Variants in HSD17B12 observed in about 807,000 individuals in gnomAD.
HSD17B12 encodes the protein very-long-chain 3-oxoacyl-CoA reductase.
In HSD17B12, 32 loss-of-function variants were observed where a neutral mutation model predicts 39.3. That is an observed-to-expected ratio of 0.81 (90% CI 0.61 to 1.09). The LOEUF is 1.09. HSD17B12 is among the 50% of genes least tolerant of loss of function. The pLI, the probability that HSD17B12 is intolerant of heterozygous loss-of-function variation, is 0.00. For missense variants in HSD17B12, 342 were observed against 382.9 expected (o/e 0.89, Z 0.89); for synonymous variants, 150 against 146.7 (o/e 1.02, Z -0.16).
chr11:43,742,202 A>G (rs976820649), intron 1 of HSD17B12, among the ~76,000 whole-genome samples: 2 of 149,364 alleles, frequency 1.3e-5, no homozygotes, highest in East Asian at 2.0e-4. Flanking sequence ...CAGTGCCGCA[A>G]TCATAACTCA....
At chr11:43,608,932 C>T in the HSD17B12 span, among the ~76,000 whole-genome samples, 1 of 152,018 alleles carries the variant, frequency 6.6e-6, no homozygotes, top group Non-Finnish European at 1.5e-5. Context: ...GCACAACCCC[C>T]CAACCTCTTT....
chr11:43,567,395 A>C, the HSD17B12 span, among the ~76,000 whole-genome samples: 1 of 152,198 alleles, frequency 6.6e-6, no homozygotes, highest in African/African-American at 2.4e-5. Context: ...AGATGTCTCT[A>C]AAGTTCAAAA....
rs12796335 is a variant in HSD17B12 at position 43,817,010 on chromosome 11, C to A, written c.501+619C>A. ...TCTATATCTATATCTATATCTATAT[C>A]TATATCTATATCTATATCTATATCT... On this transcript the variant is annotated intron_variant, in intron 6 of 10. Coordinates refer to ENST00000278353, the MANE Select transcript of HSD17B12 (RefSeq NM_016142.3). 1.4e-3 allele frequency among the ~76,000 whole-genome samples: 111 copies of A among 77,002 alleles called. 1 individual carries two copies. Among genetic ancestry groups the A allele is most frequent in the South Asian group, 4.0e-3 (10 of 2,470 alleles). The allele number at this position is 77,002 out of a possible 152,430, so 50.5% of individuals were successfully genotyped here. A position where few individuals can be genotyped will look rare whatever the true frequency, so the allele number is the denominator to read the frequency against.
At chr11:43,732,785 C>G (rs189771703) in intron 1 of HSD17B12, among the ~76,000 whole-genome samples, 30 of 152,140 alleles carry the variant, frequency 2.0e-4, no homozygotes, top group African/African-American at 7.0e-4. Context: ...TATTAATTAA[C>G]TAATTAATTA....
the HSD17B12 span, among the ~76,000 whole-genome samples, chr11:43,626,310 T>A: frequency 1.3e-5 from 2 of 151,838 alleles, no homozygotes; most frequent in Admixed American, 6.6e-5. Context: ...TTGCTTTGAA[T>A]GCCAACCATT....
chr11:43,764,422 A>G (rs1476924062), intron 3 of HSD17B12, among the ~76,000 whole-genome samples: 2 of 152,146 alleles, frequency 1.3e-5, no homozygotes, highest in African/African-American at 4.8e-5. Flanking sequence ...CTAAGTCTCT[A>G]TAAGCTATCC....
At chr11:43,841,793 T>C (rs11037667) in intron 9 of HSD17B12, among the ~76,000 whole-genome samples, 4,112 of 152,316 alleles carry the variant, frequency 0.027, 176 homozygotes, top group African/African-American at 0.079. Context: ...CTGGTGTTCA[T>C]TGTGGCTTTC....
At position 43,830,967 on chromosome 11, in the gene HSD17B12, C is replaced by T; in HGVS notation, c.502-9C>T. The T allele has an allele frequency of 1.2e-6, 2 of 1,608,044 alleles. No homozygotes were observed. The highest frequency in any genetic ancestry group is 1.7e-6 in the Non-Finnish European group (2 of 1,176,926). On this transcript the variant is annotated splice_polypyrimidine_tract_variant and intron_variant, in intron 6 of 10. Transcript: ENST00000278353. ...GGCCATCATGAATGTTTTGCTTTCT[C>T]TCTTGCAGATGACACAATTGGTACT...
intron 1 of HSD17B12, among the ~76,000 whole-genome samples, chr11:43,682,593 A>G (rs17597037): frequency 0.038 from 5,824 of 151,448 alleles, 157 homozygotes; most frequent in Non-Finnish European, 0.056. Context: ...CAACTTGGTT[A>G]TAATTAAGAT....
At position 43,842,097 on chromosome 11, in the gene HSD17B12, C is replaced by T. The variant is rs181238391; in HGVS notation, c.684+2033C>T. Among the ~76,000 whole-genome samples, 33 of 152,312 alleles carry T rather than the reference C, an allele frequency of 2.2e-4. No individual in the cohort carries two copies. The East Asian group carries it at 5.6e-3, about 26-fold the overall frequency. On this transcript the variant is annotated intron_variant, in intron 9 of 10. Coordinates refer to ENST00000278353, the MANE Select transcript of HSD17B12 (RefSeq NM_016142.3). ...GCCTTTGTTCTTAACCACTAGGCTACTTGCTCCAGGCCTGTAAGTCAACAT... is the reference window on the plus strand; with the variant it reads ...GCCTTTGTTCTTAACCACTAGGCTATTTGCTCCAGGCCTGTAAGTCAACAT...
At chr11:43,665,768 C>T in the HSD17B12 span, among the ~76,000 whole-genome samples, 6 of 152,206 alleles carry the variant, frequency 3.9e-5, no homozygotes, top group East Asian at 3.9e-4. Flanking sequence ...CGCACACACG[C>T]GCATGCACAC....
At chr11:43,658,181 A>T in the HSD17B12 span, among the ~76,000 whole-genome samples, 2 of 152,244 alleles carry the variant, frequency 1.3e-5, no homozygotes, top group East Asian at 3.9e-4. Flanking sequence ...CTTCCAGTTG[A>T]TCACATCAGT....
At chr11:43,798,530 T>C (rs1565093458) in intron 4 of HSD17B12, 103 bp downstream of exon 4, 6 of 681,444 alleles carry the variant, frequency 8.8e-6, no homozygotes, top group Non-Finnish European at 5.1e-6. Context: ...AATTGTCTTA[T>C]GATTACGTAA....
chr11:43,605,844 G>A, the HSD17B12 span, among the ~76,000 whole-genome samples: 1 of 152,174 alleles, frequency 6.6e-6, no homozygotes, highest in African/African-American at 2.4e-5. Flanking sequence ...TGCATTCTGA[G>A]ATAAAAAGCG....
chr11:43,771,399 G>A (rs1387886111), intron 3 of HSD17B12, among the ~76,000 whole-genome samples: 1 of 150,638 alleles, frequency 6.6e-6, no homozygotes, highest in South Asian at 2.1e-4. Flanking sequence ...GTCTTTTGGA[G>A]CACATATATA....
the HSD17B12 span, among the ~76,000 whole-genome samples, chr11:43,613,974 A>G: frequency 1.3e-5 from 2 of 152,168 alleles, no homozygotes; most frequent in Admixed American, 6.6e-5. Flanking sequence ...GCTGCCTTCA[A>G]TGAATTTATG....
In HSD17B12 at chr11:43,838,333, C is replaced by A. The variant is rs1951390980; in HGVS notation, c.553C>A (p.Leu185Met). The A allele has an allele frequency of 6.2e-7, 1 of 1,612,758 alleles. No homozygotes were observed. Among genetic ancestry groups the A allele is most frequent in the African/African-American group, 1.3e-5 (1 of 74,874 alleles). ...CCTTTTTAGATCCAAAGGGGCTATT[C>A]TGAACATTTCATCTGGCAGTGGCAT... Reference protein sequence around the residue: ...GMVERSKGAILNISSGSGMLP... With the variant: ...GMVERSKGAIMNISSGSGMLP... Residue 185 changes from leucine to methionine, a missense_variant, in exon 8 of 11, where the codon CTG becomes ATG. Transcript: ENST00000278353.
intron 1 of HSD17B12, among the ~76,000 whole-genome samples, chr11:43,681,831 C>T (rs1241080524): frequency 7.0e-6 from 1 of 142,914 alleles, no homozygotes; most frequent in Non-Finnish European, 1.6e-5. Flanking sequence ...TGCTCCCCCC[C>T]CCCTTTTTTT....
intron 3 of HSD17B12, among the ~76,000 whole-genome samples, chr11:43,765,101 C>T (rs1180539106): frequency 1.3e-5 from 2 of 151,750 alleles, no homozygotes; most frequent in Admixed American, 6.6e-5. Flanking sequence ...TATTTACATA[C>T]ATATTAACAT....
Sources: gnomAD v4.1 joint callset for allele counts (sites outside exome capture counted in the v4.1 genomes callset) on GRCh38, gnomAD v4.1.1 for gene constraint, MANE v1.5 for transcripts, NCBI Gene and HGNC (gene_info 2026-07-23, HGNC 2026-07-21) for gene names.